Variants in FSD2 observed in about 807,000 individuals in gnomAD.
FSD2 encodes fibronectin type III and SPRY domain containing 2, also known as fibronectin type III and SPRY domain-containing protein 2.
Under a neutral mutation model 80.4 loss-of-function variants are expected in FSD2, and 71 were observed. That is an observed-to-expected ratio of 0.88 (90% CI 0.73 to 1.08). The LOEUF is 1.08. FSD2 is among the 50% of genes least tolerant of loss of function. The probability of loss-of-function intolerance (pLI) is 0.00; values close to 1 mark genes in which losing one functional copy is unlikely to be tolerated. For missense variants in FSD2, 923 were observed against 913.8 expected, an observed-to-expected ratio of 1.01 and a Z score of -0.13; for synonymous variants, 361 against 329.5, an observed-to-expected ratio of 1.10 and a Z score of -1.03.
chr15:82,796,710 C>G (rs1469672623), intron 1 of FSD2, among the ~76,000 whole-genome samples: 1 of 152,298 alleles, frequency 6.6e-6, no homozygotes, highest in East Asian at 1.9e-4. Context: ...TCTCTTTCTC[C>G]CCTTTCCCTC....
At chr15:82,804,266 C>A (rs188142222) in intron 1 of FSD2, among the ~76,000 whole-genome samples, 1 of 152,102 alleles carries the variant, frequency 6.6e-6, no homozygotes, top group African/African-American at 2.4e-5. Flanking sequence ...GATCATTCCT[C>A]TCCCAGGGGG....
chr15:82,791,050 G>C (rs963692829), intron 1 of FSD2, among the ~76,000 whole-genome samples: 4 of 151,856 alleles, frequency 2.6e-5, no homozygotes, highest in East Asian at 2.0e-4. Flanking sequence ...CCAGGCTGGA[G>C]TGCAGTGGCG....
chr15:82,771,929 C>T (rs2049585704), intron 7 of FSD2, 144 bp downstream of exon 7: 4 of 868,826 alleles, frequency 4.6e-6, no homozygotes, highest in South Asian at 2.2e-5. Flanking sequence ...CCTTTCTGCC[C>T]TGTTCACCTG....
intron 1 of FSD2, among the ~76,000 whole-genome samples, chr15:82,802,535 A>T (rs2050438852): frequency 6.6e-6 from 1 of 152,194 alleles, no homozygotes. Flanking sequence ...CATAGAAATA[A>T]TGTCTTACCA....
At chr15:82,778,127 C>CATATATATATATACATATATAT (rs2049760039) in intron 6 of FSD2, among the ~76,000 whole-genome samples, 1 of 83,936 alleles carries the variant, frequency 1.2e-5, no homozygotes. Context: ...ACAAAAAAAC[C>CATATATATATATACATATATAT]ATATATATAT....
chr15:82,766,513 G>A (rs1020957704), intron 9 of FSD2, among the ~76,000 whole-genome samples: 4 of 152,038 alleles, frequency 2.6e-5, no homozygotes, highest in Non-Finnish European at 4.4e-5. Flanking sequence ...AGGCTGAGGC[G>A]GGTGGGTCAC....
intron 9 of FSD2, 127 bp from the exon 10 acceptor site, chr15:82,766,158 C>G: frequency 9.4e-7 from 1 of 1,060,968 alleles, no homozygotes. Context: ...CCACATTTAA[C>G]AGCAGCATAG....
At chr15:82,765,545 CAG>C (rs2049396208) in intron 10 of FSD2, among the ~76,000 whole-genome samples, 1 of 152,122 alleles carries the variant, frequency 6.6e-6, no homozygotes. Context: ...GATGAGGAAA[CAG>C]AGGCACAAGG....
intron 4 of FSD2, among the ~76,000 whole-genome samples, chr15:82,781,480 C>A (rs1248212223): frequency 6.6e-6 from 1 of 152,086 alleles, no homozygotes; most frequent in Non-Finnish European, 1.5e-5. Flanking sequence ...GGCTGAAGGC[C>A]CCTCCCCCAC....
chr15:82,793,222 T>C (rs574380711), intron 1 of FSD2, among the ~76,000 whole-genome samples: 4 of 152,138 alleles, frequency 2.6e-5, no homozygotes, highest in South Asian at 4.1e-4. Flanking sequence ...CAGCATCCCA[T>C]TGGAAAAATT....
Position 82,778,926 on chromosome 15 carries a change from G to A in FSD2, c.990-39C>T. The A allele has an allele frequency of 2.5e-6, 4 of 1,607,554 alleles. No individual in the cohort carries two copies. The South Asian group carries it at 3.3e-5, about 13-fold the overall frequency. Reference sequence around the variant, plus strand: ...AAGACATGCTGACTAGAATGGAGGGGCATTCTCCTTAGGGTATATATATAG... The same window carrying A: ...AAGACATGCTGACTAGAATGGAGGGACATTCTCCTTAGGGTATATATATAG... On this transcript the variant is annotated intron_variant, in intron 5 of 12. Coordinates refer to ENST00000334574, the MANE Select transcript of FSD2 (RefSeq NM_001007122.4).
intron 3 of FSD2, among the ~76,000 whole-genome samples, chr15:82,784,255 A>ATTTTAT (rs1037537645): frequency 2.0e-5 from 3 of 150,070 alleles, no homozygotes; most frequent in African/African-American, 7.3e-5. Context: ...ATTTTATTTT[A>ATTTTAT]TTTTTTTTTT....
At chr15:82,760,138 C>G (rs533115140) in intron 12 of FSD2, among the ~76,000 whole-genome samples, 1 of 152,264 alleles carries the variant, frequency 6.6e-6, no homozygotes, top group African/African-American at 2.4e-5. Flanking sequence ...ACCTCTTAAC[C>G]TAAGAAATTT....
chr15:82,782,279 A>G (rs1301355047), intron 4 of FSD2, among the ~76,000 whole-genome samples: 2 of 151,260 alleles, frequency 1.3e-5, no homozygotes, highest in Non-Finnish European at 1.5e-5. Context: ...GAGCGCCTGT[A>G]GTCCCAGCTA....
rs1204202193 is a variant in FSD2, at chr15:82,759,188, A to G, written c.*160T>C. The G allele has an allele frequency of 6.9e-6, 5 of 724,566 alleles. No homozygotes were observed. The highest frequency in any genetic ancestry group is 1.1e-5 in the Non-Finnish European group (5 of 452,112). The allele number at this position is 724,566 out of a possible 1,614,324, so 44.9% of individuals were successfully genotyped here. On this transcript the variant is annotated 3_prime_UTR_variant, in exon 13 of 13. Transcript: ENST00000334574. ...GTAGCAGCACACAGGACTAGAATCC[A>G]GGTTGGGTGAAATGAGCGCTAGCAC...
chr15:82,759,004 C>T lies in FSD2; in HGVS notation c.*344G>A, dbSNP rs759879026. 1.4e-5 allele frequency: 3 copies of T among 209,022 alleles called. No homozygotes were observed. Among genetic ancestry groups the T allele is most frequent in the Non-Finnish European group, 2.9e-5 (3 of 102,920 alleles). The allele number at this position is 209,022 out of a possible 1,614,324, so 12.9% of individuals were successfully genotyped here. On this transcript the variant is annotated 3_prime_UTR_variant, in exon 13 of 13. Transcript: ENST00000334574. ...ACTGGTGCTGCTGGAGCCATTAAGACTACCCTCGTCCTCTCCCAAGCTCTC... is the reference window on the plus strand; with the variant it reads ...ACTGGTGCTGCTGGAGCCATTAAGATTACCCTCGTCCTCTCCCAAGCTCTC...
In FSD2 at chr15:82,762,151, C is replaced by T. The variant is rs1400024417; in HGVS notation, c.1948G>A (p.Gly650Arg). The T allele has an allele frequency of 3.1e-6, 5 of 1,611,562 alleles. No individual in the cohort carries two copies. Among genetic ancestry groups the T allele is most frequent in the Admixed American group, 1.7e-5 (1 of 59,596 alleles). The part of the protein sequence containing the change: ...FADVRKQEDL[G>R]ANCLSWCMRH... Reference sequence around the variant, plus strand: ...ATGCACCAGGAGAGGCAATTTGCTCCCAGATCCTCCTGTTTACGGACATCT... The same window carrying T: ...ATGCACCAGGAGAGGCAATTTGCTCTCAGATCCTCCTGTTTACGGACATCT... Residue 650 changes from glycine to arginine, a missense_variant, in exon 12 of 13, where the codon GGA becomes AGA. By Grantham distance (125) the Gly-to-Arg change is moderately radical. Coordinates refer to ENST00000334574, the MANE Select transcript of FSD2 (RefSeq NM_001007122.4).
chr15:82,792,721 G>A (rs1389493151), intron 1 of FSD2, among the ~76,000 whole-genome samples: 2 of 152,048 alleles, frequency 1.3e-5, no homozygotes, highest in African/African-American at 4.8e-5. Context: ...ATCCCACTTG[G>A]TCATAATGCT....
At chr15:82,796,018 T>C (rs1392389864) in intron 1 of FSD2, among the ~76,000 whole-genome samples, 2 of 130,862 alleles carry the variant, frequency 1.5e-5, no homozygotes, top group African/African-American at 5.5e-5. Flanking sequence ...TTTTTTTTTT[T>C]TGAGATGGAG....
Sources: gnomAD v4.1 joint callset for allele counts (sites outside exome capture counted in the v4.1 genomes callset) on GRCh38, gnomAD v4.1.1 for gene constraint, MANE v1.5 for transcripts, NCBI Gene and HGNC (gene_info 2026-07-23, HGNC 2026-07-21) for gene names.